SH2B1: variants seen among roughly 807,000 people sequenced by gnomAD.
The protein encoded by SH2B1 is SH2B adapter protein 1.
A neutral mutation model predicts 62.6 loss-of-function variants in SH2B1; 15 were observed. The ratio of observed to expected loss-of-function variants is 0.24; its 90% CI spans 0.16 to 0.37. The LOEUF (loss-of-function observed/expected upper bound fraction) is 0.37. SH2B1 is among the 10% of genes least tolerant of loss of function. The probability of loss-of-function intolerance (pLI) is 1.00; values close to 1 mark genes in which losing one functional copy is unlikely to be tolerated. For synonymous variants in SH2B1, 443 were observed against 438.0 expected (o/e 1.01, Z -0.14); for missense variants, 925 against 1,015.6 (o/e 0.91, Z 1.21).
intron 2 of SH2B1, among the ~76,000 whole-genome samples, chr16:28,868,412 T>G (rs1014493716): frequency 6.6e-6 from 1 of 152,212 alleles, no homozygotes; most frequent in Non-Finnish European, 1.5e-5. Context: ...AGTGCTGGGA[T>G]TATAGGCGTG....
At chr16:28,853,641 C>T (rs1021904758) in intron 1 of SH2B1, among the ~76,000 whole-genome samples, 1 of 151,420 alleles carries the variant, frequency 6.6e-6, no homozygotes, top group African/African-American at 2.4e-5. Context: ...AGGTGTGAAC[C>T]ATCACGCCCA....
In SH2B1 at chr16:28,865,484, G is replaced by T; in HGVS notation, c.-611G>T. 1.0e-5 allele frequency: 10 copies of T among 985,656 alleles called. No homozygotes were observed. Among genetic ancestry groups the T allele is most frequent in the Non-Finnish European group, 9.6e-6 (8 of 829,984 alleles). The allele number at this position is 985,656 out of a possible 1,614,324, so 61.1% of individuals were successfully genotyped here. A position where few individuals can be genotyped will look rare whatever the true frequency, so the allele number is the denominator to read the frequency against. On this transcript the variant is annotated 5_prime_UTR_variant, in exon 1 of 8. Transcript: ENST00000684370. Reference sequence around the variant, plus strand: ...CCCCTGCGAGCTGGGGCGGTGAGGTGCTATGGCTGAGGCTGGCCCAGCCGG... The same window carrying T: ...CCCCTGCGAGCTGGGGCGGTGAGGTTCTATGGCTGAGGCTGGCCCAGCCGG...
intron 1 of SH2B1, among the ~76,000 whole-genome samples, chr16:28,853,039 T>C (rs1218851597): frequency 3.0e-5 from 3 of 101,240 alleles, no homozygotes; most frequent in Admixed American, 1.2e-4. Flanking sequence ...TATATGTACA[T>C]ATATATTTAT....
At position 28,864,054 on chromosome 16, in the gene SH2B1, G is replaced by A. The variant is rs1258674974; in HGVS notation, c.-2041G>A. 1.5e-6 allele frequency: 2 copies of A among 1,368,654 alleles called. No individual in the cohort carries two copies. The highest frequency in any genetic ancestry group is 2.9e-5 in the East Asian group (1 of 34,134). The allele number at this position is 1,368,654 out of a possible 1,614,324, so 84.8% of individuals were successfully genotyped here. On this transcript the variant is annotated 5_prime_UTR_variant, in exon 1 of 8. Transcript: ENST00000684370. ...TGGGGGTGGGCGTGGAGGGCCGGGGGCTGGAGAGGCACTCGGCCCCGGAGA... is the reference window on the plus strand; with the variant it reads ...TGGGGGTGGGCGTGGAGGGCCGGGGACTGGAGAGGCACTCGGCCCCGGAGA...
At chr16:28,862,115 G>C (rs1962463088), upstream of SH2B1, 1 of 152,224 alleles carries the variant, frequency 6.6e-6, no homozygotes, top group Non-Finnish European at 1.5e-5. Context: ...GTTTAGGCCA[G>C]CTGGAGCCGG....
In SH2B1 at chr16:28,873,296, G is replaced by C; in HGVS notation, c.1898-151G>C. 6.3e-7 allele frequency: 1 copy of C among 1,597,372 alleles called. No individual in the cohort carries two copies. Among genetic ancestry groups the C allele is most frequent in the Non-Finnish European group, 8.5e-7 (1 of 1,170,898 alleles). ...TAAGTGTGGTCCTCCTCTCACCACC[G>C]CCCATGATCCATCTTCCATGGATGG... On this transcript the variant is annotated intron_variant, in intron 7 of 7. Transcript: ENST00000684370. This position sits in a 1 kb window ranked among gnomAD's most constrained non-coding sequence, Gnocchi z 4.2.
Position 28,872,495 on chromosome 16 carries a change from C to T in SH2B1, c.1726-39C>T, listed in dbSNP as rs1187811586. ...GGGAGGGGGTTTGTACCTGGCAGGG[C>T]CTTTGCCTCCTACCTCACCTCCCCC... On this transcript the variant is annotated intron_variant, in intron 6 of 7. Coordinates refer to ENST00000684370, the MANE Select transcript of SH2B1 (RefSeq NM_001387430.1). The surrounding 1 kb of genome is among the most constrained non-coding windows in gnomAD (Gnocchi z 5.3). The T allele has an allele frequency of 6.3e-7, 1 of 1,587,586 alleles. No homozygotes were observed. Among genetic ancestry groups the T allele is most frequent in the East Asian group, 2.2e-5 (1 of 44,632 alleles).
upstream of SH2B1, among the ~76,000 whole-genome samples, chr16:28,860,045 C>T (rs1303937556): frequency 6.6e-6 from 1 of 152,038 alleles, no homozygotes; most frequent in African/African-American, 2.4e-5. Flanking sequence ...CAACCTTCTC[C>T]GCAACCTTGC....
Position 28,865,001 on chromosome 16 carries a change from C to A in SH2B1, c.-1094C>A. On this transcript the variant is annotated 5_prime_UTR_variant, in exon 1 of 8. Coordinates refer to ENST00000684370, the MANE Select transcript of SH2B1 (RefSeq NM_001387430.1). ...ACGTGGAATTTGTTCAAGATAACAT[C>A]GCTCATAAGGTGGCTGGACTGGGTG... 1 of 703,836 alleles carries A rather than the reference C, an allele frequency of 1.4e-6. No homozygotes were observed. Among genetic ancestry groups the A allele is most frequent in the Middle Eastern group, 6.9e-4 (1 of 1,446 alleles). The allele number at this position is 703,836 out of a possible 1,614,324, so 43.6% of individuals were successfully genotyped here.
Position 28,865,422 on chromosome 16 carries a change from G to A in SH2B1, c.-673G>A, listed in dbSNP as rs1259295987. The A allele has an allele frequency of 1.1e-5, 11 of 985,508 alleles. No homozygotes were observed. Among genetic ancestry groups the A allele is most frequent in the Non-Finnish European group, 1.2e-5 (10 of 829,988 alleles). 61.0% of individuals were successfully genotyped at this position (985,508 alleles called of 1,614,324 possible). A position where few individuals can be genotyped will look rare whatever the true frequency, so the allele number is the denominator to read the frequency against. On this transcript the variant is annotated 5_prime_UTR_variant, in exon 1 of 8. Coordinates refer to ENST00000684370, the MANE Select transcript of SH2B1 (RefSeq NM_001387430.1). ...GTTGGACCCTAAGATGCGTGAGGCA[G>A]GCTCTCTAAGGTCTAGAATCCCAGC...
At chr16:28,855,560 A>G (rs1228861011) in intron 1 of SH2B1, among the ~76,000 whole-genome samples, 1 of 151,546 alleles carries the variant, frequency 6.6e-6, no homozygotes, top group Admixed American at 6.6e-5. Flanking sequence ...CATAGCATCT[A>G]AATGCCCAAA....
At chr16:28,855,698 G>T (rs950324252) in intron 1 of SH2B1, among the ~76,000 whole-genome samples, 1 of 149,836 alleles carries the variant, frequency 6.7e-6, no homozygotes, top group African/African-American at 2.4e-5. Context: ...GGAGTGCAGT[G>T]GAGCGATCTC....
In SH2B1 at chr16:28,865,772, G is replaced by A; in HGVS notation, c.-323G>A. On this transcript the variant is annotated 5_prime_UTR_variant, in exon 1 of 8. Coordinates refer to ENST00000684370, the MANE Select transcript of SH2B1 (RefSeq NM_001387430.1). ...AAAGCCCTCTACTGCTGGATCCAAA[G>A]CTAAGGAAAGTGGGGGCAAATGTGG... The A allele has an allele frequency of 8.8e-7, 1 of 1,131,436 alleles. No homozygotes were observed. 70.1% of individuals were successfully genotyped at this position (1,131,436 alleles called of 1,614,324 possible). A position where few individuals can be genotyped will look rare whatever the true frequency, so the allele number is the denominator to read the frequency against.
Position 28,853,106 on chromosome 16 carries a change from A to ATATACATTTATATATATTTATG in SH2B1, c.-301+6294_-301+6315dup, listed in dbSNP as rs1315560510. On this transcript the variant is annotated intron_variant, in intron 1 of 10. Coordinates refer to the SH2B1 transcript ENST00000322610. ...TATATATTTATACATATATATTTAT[A>ATATACATTTATATATATTTATG]TATACATTTATATATATTTATGTAT... 3.2e-5 allele frequency among the ~76,000 whole-genome samples: 4 copies of ATATACATTTATATATATTTATG among 124,104 alleles called. 1 individual carries two copies. The highest frequency in any genetic ancestry group is 4.8e-5 in the Non-Finnish European group (3 of 62,824). 81.4% of individuals were successfully genotyped at this position (124,104 alleles called of 152,430 possible).
rs1963112244 is a variant in SH2B1 at position 28,872,759 on chromosome 16, G to A, written c.1897+54G>A. The A allele has an allele frequency of 1.2e-6, 2 of 1,606,102 alleles. No individual in the cohort carries two copies. The highest frequency in any genetic ancestry group is 1.7e-6 in the Non-Finnish European group (2 of 1,175,480). On this transcript the variant is annotated intron_variant, in intron 7 of 7. Transcript: ENST00000684370. This position sits in a 1 kb window ranked among gnomAD's most constrained non-coding sequence, Gnocchi z 5.3. ...GGTGCCCGTGCACCCAAGAAGTGAG[G>A]TGTGTGTGCCAGAAAGATGGGGCGG...
chr16:28,870,425 C>G (rs573832918), intron 4 of SH2B1, among the ~76,000 whole-genome samples: 9 of 152,128 alleles, frequency 5.9e-5, no homozygotes, highest in Non-Finnish European at 1.2e-4. Context: ...GAGGACATGC[C>G]TGGGGACGTG....
chr16:28,863,724 G>C (rs956710629), upstream of SH2B1: 2 of 1,535,754 alleles, frequency 1.3e-6, no homozygotes, highest in South Asian at 2.4e-5. Context: ...TCGGTCTCCT[G>C]GGGTCGGCGC....
rs1423545133 is a variant in SH2B1 at position 28,853,035 on chromosome 16, TAC to T, written c.-301+6210_-301+6211del. On this transcript the variant is annotated intron_variant, in intron 1 of 10. Transcript: ENST00000322610. ...ATATTTATATATGTACATATATATGTACATATATATTTATATATGTACATATA... is the reference window on the plus strand; with the variant it reads ...ATATTTATATATGTACATATATATGTATATATATTTATATATGTACATATA... Among the ~76,000 whole-genome samples, 5 of 99,926 alleles carry T rather than the reference TAC, an allele frequency of 5.0e-5. 1 individual carries two copies. The highest frequency in any genetic ancestry group is 5.0e-4 in the South Asian group (2 of 3,978). The allele number at this position is 99,926 out of a possible 152,430, so 65.6% of individuals were successfully genotyped here. A position where few individuals can be genotyped will look rare whatever the true frequency, so the allele number is the denominator to read the frequency against.
rs769890226 is a variant in SH2B1, at chr16:28,873,411, C to G, written c.1898-36C>G. 5 of 1,578,768 alleles carry G rather than the reference C, an allele frequency of 3.2e-6. No individual in the cohort carries two copies. The highest frequency in any genetic ancestry group is 4.3e-6 in the Non-Finnish European group (5 of 1,172,396). ...GGCCACGGCAGGAGCTCACCTGCCT[C>G]CACAATCAGTCTGTTTTCTTACCAT... On this transcript the variant is annotated intron_variant, in intron 7 of 7. Transcript: ENST00000684370. This position sits in a 1 kb window ranked among gnomAD's most constrained non-coding sequence, Gnocchi z 4.2.
Sources: allele counts gnomAD v4.1 joint callset (sites outside exome capture counted in the v4.1 genomes callset), GRCh38; gene constraint gnomAD v4.1.1; non-coding constraint Gnocchi (gnomAD v3.1); transcripts MANE v1.5; gene names NCBI Gene and HGNC (gene_info 2026-07-23, HGNC 2026-07-21).